CDH18: variants seen among roughly 807,000 people sequenced by gnomAD.
CDH18 encodes the protein cadherin 18, also known as cadherin-18.
A neutral mutation model predicts 67.9 loss-of-function variants in CDH18; 31 were observed. That is an observed-to-expected ratio of 0.46 (90% confidence interval 0.34 to 0.62). The LOEUF (loss-of-function observed/expected upper bound fraction) is 0.62, where lower values mean the gene tolerates loss of function less well. Ranked by LOEUF, CDH18 falls within the 20% of genes least tolerant of loss-of-function variation. CDH18 has a pLI of 0.01. For missense variants in CDH18, 890 were observed against 975.5 expected (o/e 0.91, Z 1.17); for synonymous variants, 362 against 347.2 (o/e 1.04, Z -0.48).
chr5:20,416,218 G>A (rs1490004502), intron 1 of CDH18, among the ~76,000 whole-genome samples: 1 of 152,068 alleles, frequency 6.6e-6, no homozygotes, highest in African/African-American at 2.4e-5. Flanking sequence ...TAATCTTATT[G>A]TAGTTAATAA....
chr5:20,476,223 A>C (rs1038395594), intron 1 of CDH18, among the ~76,000 whole-genome samples: 2 of 152,184 alleles, frequency 1.3e-5, no homozygotes, highest in Non-Finnish European at 2.9e-5. Context: ...CATAGTAAGC[A>C]TAGTACCAGG....
intron 4 of CDH18, among the ~76,000 whole-genome samples, chr5:19,730,815 T>C (rs1386149488): frequency 1.3e-5 from 2 of 150,368 alleles, no homozygotes; most frequent in Non-Finnish European, 3.0e-5. Context: ...GTAATGCATT[T>C]GTAGTAGCTA....
At chr5:19,845,276 G>A (rs1782801786) in intron 2 of CDH18, among the ~76,000 whole-genome samples, 1 of 151,896 alleles carries the variant, frequency 6.6e-6, no homozygotes, top group African/African-American at 2.4e-5. Flanking sequence ...TGACCCATTG[G>A]TTGTTCAAGA....
At chr5:19,892,209 A>T (rs1258837349) in intron 2 of CDH18, among the ~76,000 whole-genome samples, 34 of 152,206 alleles carry the variant, frequency 2.2e-4, no homozygotes, top group Admixed American at 2.2e-3. Context: ...AAGTATCCTT[A>T]GAGCTAAAAT....
At chr5:19,690,662 C>A (rs10050370) in intron 5 of CDH18, among the ~76,000 whole-genome samples, 4,710 of 151,522 alleles carry the variant, frequency 0.031, 237 homozygotes, top group African/African-American at 0.11. Flanking sequence ...TATATGCTAA[C>A]AAAATAGAAA....
intron 2 of CDH18, among the ~76,000 whole-genome samples, chr5:19,861,969 C>A (rs992835512): frequency 7.2e-5 from 11 of 151,950 alleles, no homozygotes; most frequent in African/African-American, 2.4e-4. Context: ...TGGTGCATTA[C>A]CAGAAGGAAG....
chr5:20,198,898 A>T (rs1053715568), intron 2 of CDH18, among the ~76,000 whole-genome samples: 1 of 152,260 alleles, frequency 6.6e-6, no homozygotes, highest in Non-Finnish European at 1.5e-5. Flanking sequence ...TACAAGCCTC[A>T]AGCTTTGACA....
In CDH18 at chr5:19,994,847, T is replaced by TAGAGAGAGAG. The variant is rs1270960698; in HGVS notation, c.-517-2834_-517-2833insCTCTCTCTCT. 1.1e-3 allele frequency among the ~76,000 whole-genome samples: 35 copies of TAGAGAGAGAG among 32,168 alleles called. 1 individual carries two copies. The highest frequency in any genetic ancestry group is 3.7e-3 in the African/African-American group (25 of 6,702). 21.1% of individuals were successfully genotyped at this position (32,168 alleles called of 152,430 possible). A position where few individuals can be genotyped will look rare whatever the true frequency, so the allele number is the denominator to read the frequency against. Reference sequence around the variant, plus strand: ...TAAAGAGAATATATATATATATATATATATATATAGAGAGAGAGAGAGAGA... The same window carrying TAGAGAGAGAG: ...TAAAGAGAATATATATATATATATATAGAGAGAGAGATATATATAGAGAGAGAGAGAGAGA... On this transcript the variant is annotated intron_variant, in intron 2 of 14. Coordinates refer to the CDH18 transcript ENST00000507958.
At chr5:19,931,334 C>G (rs944847502) in intron 2 of CDH18, among the ~76,000 whole-genome samples, 3 of 151,834 alleles carry the variant, frequency 2.0e-5, no homozygotes, top group Non-Finnish European at 4.4e-5. Flanking sequence ...TAATTTTTTT[C>G]TGTCTTACAG....
chr5:20,483,296 A>G lies in CDH18; in HGVS notation c.-580+92166T>C, dbSNP rs1752942903. Among the ~76,000 whole-genome samples the G allele has an allele frequency of 2.0e-5, 3 of 152,210 alleles. No homozygotes were observed. In the South Asian group the frequency reaches 6.2e-4, roughly 31 times the overall value. The stretch of plus-strand genomic sequence containing the variant: ...ACACCAAAAAAGAAAAAGATATTCC[A>G]TATTTTTGAATTGGAAGAATCAATG... On this transcript the variant is annotated intron_variant, in intron 1 of 14. Transcript: ENST00000507958.
chr5:19,968,107 T>C (rs1797645122), intron 2 of CDH18, among the ~76,000 whole-genome samples: 2 of 151,402 alleles, frequency 1.3e-5, no homozygotes, highest in South Asian at 4.2e-4. Context: ...TCAAAGAGAA[T>C]AAAATACCTA....
chr5:20,332,626 G>A (rs542122360), intron 1 of CDH18, among the ~76,000 whole-genome samples: 1 of 152,244 alleles, frequency 6.6e-6, no homozygotes, highest in Admixed American at 6.5e-5. Flanking sequence ...ACAAAGAAGA[G>A]TTGAGTACCT....
chr5:20,330,700 G>A (rs1739088437), intron 1 of CDH18, among the ~76,000 whole-genome samples: 1 of 152,128 alleles, frequency 6.6e-6, no homozygotes, highest in South Asian at 2.1e-4. Context: ...TGTGCATGCG[G>A]ACAGCCCACA....
chr5:20,564,210 C>T (rs1325718622), intron 1 of CDH18, among the ~76,000 whole-genome samples: 1 of 151,930 alleles, frequency 6.6e-6, no homozygotes, highest in Admixed American at 6.6e-5. Context: ...CACATCCCTC[C>T]ATAATCGTTC....
intron 1 of CDH18, among the ~76,000 whole-genome samples, chr5:20,494,782 G>A (rs1242624937): frequency 6.6e-6 from 1 of 152,106 alleles, no homozygotes; most frequent in Non-Finnish European, 1.5e-5. Context: ...ACATGAGTAG[G>A]TCTGGAGGAG....
chr5:20,339,415 C>A (rs1409627912), intron 1 of CDH18, among the ~76,000 whole-genome samples: 1 of 152,000 alleles, frequency 6.6e-6, no homozygotes, highest in East Asian at 1.9e-4. Context: ...GTGGGATAAC[C>A]CAGACCTCTT....
At chr5:20,371,337 A>G (rs1742981664) in intron 1 of CDH18, among the ~76,000 whole-genome samples, 1 of 152,148 alleles carries the variant, frequency 6.6e-6, no homozygotes, top group Non-Finnish European at 1.5e-5. Flanking sequence ...TAATCTATAC[A>G]TTTTTCCTTG....
At chr5:20,121,101 G>T (rs1363464382) in intron 2 of CDH18, among the ~76,000 whole-genome samples, 2 of 152,162 alleles carry the variant, frequency 1.3e-5, no homozygotes, top group Non-Finnish European at 2.9e-5. Flanking sequence ...AAAGAGTGAA[G>T]TCAATTGGAA....
At chr5:20,359,040 T>C (rs1741870957) in intron 1 of CDH18, among the ~76,000 whole-genome samples, 1 of 151,200 alleles carries the variant, frequency 6.6e-6, no homozygotes, top group African/African-American at 2.4e-5. Context: ...CAAGTGATTC[T>C]ACTGCCTCAG....
Sources: gnomAD v4.1 joint callset for allele counts (sites outside exome capture counted in the v4.1 genomes callset) on GRCh38, gnomAD v4.1.1 for gene constraint, MANE v1.5 for transcripts, NCBI Gene and HGNC (gene_info 2026-07-23, HGNC 2026-07-21) for gene names.